The following ACYP2 variants were observed in gnomAD, a reference collection of about 807,000 sequenced individuals.
ACYP2 encodes the protein acylphosphatase 2.
Under a neutral mutation model 11.2 loss-of-function variants are expected in ACYP2, and 12 were observed. The ratio of observed to expected loss-of-function variants is 1.08; its 90% CI spans 0.69 to 1.74. The LOEUF is 1.74. ACYP2 is among the 40% of genes most tolerant of loss of function. ACYP2 has a pLI of 0.00. For missense variants in ACYP2, 134 were observed against 101.9 expected, an observed-to-expected ratio of 1.31 and a Z score of -1.35; for synonymous variants, 43 against 32.2, an observed-to-expected ratio of 1.33 and a Z score of -1.13.
At chr2:54,003,457 T>C (rs1418479987) in intron 2 of ACYP2, among the ~76,000 whole-genome samples, 1 of 151,850 alleles carries the variant, frequency 6.6e-6, no homozygotes, top group African/African-American at 2.4e-5. Context: ...ATGGGGTTTC[T>C]CCATGTTGGT....
rs538871259 is a variant in ACYP2, at chr2:53,990,981, A to G, written c.62+17171A>G. On this transcript the variant is annotated intron_variant, in intron 2 of 6. Coordinates refer to ENST00000607452, the MANE Select transcript of ACYP2 (RefSeq NM_001320586.2). ...CCGGCTAATTTTTTATATTTTCAGT[A>G]GAGACGGGGTTTCACTGTGTTAGCC... 6.6e-5 allele frequency among the ~76,000 whole-genome samples: 10 copies of G among 152,170 alleles called. No individual in the cohort carries two copies. In the South Asian group the frequency reaches 2.1e-3, roughly 32 times the overall value.
intron 4 of ACYP2, among the ~76,000 whole-genome samples, chr2:54,108,398 C>G (rs1392550689): frequency 2.6e-5 from 4 of 152,220 alleles, no homozygotes; most frequent in African/African-American, 9.6e-5. Context: ...GACACGAAGG[C>G]CCTTGTTGTC....
At chr2:54,098,726 CTTTTTTTT>C (rs34123335) in intron 4 of ACYP2, among the ~76,000 whole-genome samples, 2 of 140,756 alleles carry the variant, frequency 1.4e-5, no homozygotes, top group Non-Finnish European at 3.1e-5. Flanking sequence ...GACAATGTCC[CTTTTTTTT>C]TTTTTTTTTC....
At chr2:54,146,031 T>C (rs1681865139) in intron 6 of ACYP2, among the ~76,000 whole-genome samples, 1 of 152,244 alleles carries the variant, frequency 6.6e-6, no homozygotes, top group African/African-American at 2.4e-5. Context: ...AGAAACATAA[T>C]TCTCTATAAG....
chr2:53,981,306 T>A (rs1251470435), intron 2 of ACYP2, among the ~76,000 whole-genome samples: 2 of 152,198 alleles, frequency 1.3e-5, no homozygotes, highest in African/African-American at 4.8e-5. Context: ...AGCAGAGATT[T>A]ATTGAAAATG....
At chr2:54,077,688 A>C (rs1677418866) in intron 4 of ACYP2, among the ~76,000 whole-genome samples, 1 of 152,216 alleles carries the variant, frequency 6.6e-6, no homozygotes, top group Non-Finnish European at 1.5e-5. Flanking sequence ...GAGGCTAGAA[A>C]GTACAGAATA....
chr2:54,240,429 A>C (rs1489647563), intron 6 of ACYP2, among the ~76,000 whole-genome samples: 1 of 152,220 alleles, frequency 6.6e-6, no homozygotes, highest in East Asian at 1.9e-4. Flanking sequence ...ATAGCACATC[A>C]GACCTTTGTA....
At chr2:54,287,762 T>G (rs1430996890) in intron 6 of ACYP2, among the ~76,000 whole-genome samples, 1 of 152,012 alleles carries the variant, frequency 6.6e-6, no homozygotes, top group East Asian at 1.9e-4. Flanking sequence ...TGATTCCAGT[T>G]ATTCCAGTCC....
intron 4 of ACYP2, among the ~76,000 whole-genome samples, chr2:54,082,162 C>A (rs1365141556): frequency 2.0e-5 from 3 of 152,124 alleles, no homozygotes; most frequent in African/African-American, 7.2e-5. Context: ...TCTAATGATG[C>A]AGCTGAATTT....
chr2:54,005,161 C>G (rs981341142), intron 2 of ACYP2, among the ~76,000 whole-genome samples: 1 of 151,958 alleles, frequency 6.6e-6, no homozygotes, highest in Non-Finnish European at 1.5e-5. Flanking sequence ...TTACAGGTAG[C>G]CTGTGATACA....
At chr2:54,303,466 A>T (rs1469447961) in intron 6 of ACYP2, among the ~76,000 whole-genome samples, 1 of 152,208 alleles carries the variant, frequency 6.6e-6, no homozygotes, top group Admixed American at 6.5e-5. Flanking sequence ...GTAAAGTTGA[A>T]GCTATCAGTT....
At chr2:54,221,202 C>A (rs576062704) in intron 6 of ACYP2, among the ~76,000 whole-genome samples, 2 of 152,274 alleles carry the variant, frequency 1.3e-5, no homozygotes, top group African/African-American at 4.8e-5. Flanking sequence ...CCCAACCAAA[C>A]CCAGCCTAGA....
chr2:54,112,425 C>G (rs949069929), intron 4 of ACYP2, among the ~76,000 whole-genome samples: 1 of 150,356 alleles, frequency 6.7e-6, no homozygotes, highest in Non-Finnish European at 1.5e-5. Flanking sequence ...TAAATTGGCA[C>G]AGCCCTTCGA....
chr2:54,050,012 A>G (rs1420532173), intron 2 of ACYP2, among the ~76,000 whole-genome samples: 1 of 152,168 alleles, frequency 6.6e-6, no homozygotes, highest in East Asian at 1.9e-4. Flanking sequence ...AGGCCTTCTC[A>G]GTGGACAGTT....
chr2:54,103,921 C>T (rs1318265206), intron 4 of ACYP2, among the ~76,000 whole-genome samples: 1 of 152,186 alleles, frequency 6.6e-6, no homozygotes, highest in East Asian at 1.9e-4. Flanking sequence ...ATGCAGCAGG[C>T]AGAGGAAATG....
At chr2:54,239,628 T>C (rs1263343141) in intron 6 of ACYP2, among the ~76,000 whole-genome samples, 2 of 152,298 alleles carry the variant, frequency 1.3e-5, no homozygotes, top group Middle Eastern at 3.4e-3. Context: ...TTAGAAACAC[T>C]GAGCTTATAA....
rs1671293483 is a variant in ACYP2 at position 53,973,722 on chromosome 2, G to A, written c.-27G>A. The A allele has an allele frequency of 3.3e-6, 1 of 306,000 alleles. No homozygotes were observed. Among genetic ancestry groups the A allele is most frequent in the Non-Finnish European group, 6.0e-6 (1 of 167,682 alleles). The allele number at this position is 306,000 out of a possible 1,614,324, so 19.0% of individuals were successfully genotyped here. A position where few individuals can be genotyped will look rare whatever the true frequency, so the allele number is the denominator to read the frequency against. On this transcript the variant is annotated 5_prime_UTR_variant, in exon 2 of 7. Transcript: ENST00000607452. ...CTGACTCCTTTTTCAGACTCAGCCT[G>A]CCTGCACCCAGGTGAAATAAACAGC...
At chr2:54,261,231 A>G (rs1489525586) in intron 6 of ACYP2, among the ~76,000 whole-genome samples, 1 of 152,214 alleles carries the variant, frequency 6.6e-6, no homozygotes, top group African/African-American at 2.4e-5. Context: ...GGCATGGACT[A>G]GAAACAGTTG....
At chr2:54,013,742 A>AAG (rs1224407285) in intron 2 of ACYP2, among the ~76,000 whole-genome samples, 1 of 94,404 alleles carries the variant, frequency 1.1e-5, no homozygotes, top group Non-Finnish European at 2.1e-5. Flanking sequence ...AAAAAAAAAA[A>AAG]AGAGAGAGAG....
Sources: gnomAD v4.1 joint callset for allele counts (sites outside exome capture counted in the v4.1 genomes callset) on GRCh38, gnomAD v4.1.1 for gene constraint, MANE v1.5 for transcripts, NCBI Gene and HGNC (gene_info 2026-07-23, HGNC 2026-07-21) for gene names.